Variants in GLIS2 observed in about 807,000 individuals in gnomAD.
GLIS2 encodes GLIS family zinc finger 2.
GLIS2 carries 14 observed loss-of-function variants against 35.6 expected under a neutral mutation model. The observed-to-expected ratio is 0.39, with a 90% CI of 0.26 to 0.61. The LOEUF (loss-of-function observed/expected upper bound fraction) is 0.61. Among genes scored for constraint, GLIS2 ranks in the 20% least tolerant of loss-of-function variants. The pLI, the probability that GLIS2 is intolerant of heterozygous loss-of-function variation, is 0.48. For missense variants in GLIS2, 675 were observed against 713.4 expected, an observed-to-expected ratio of 0.95 and a Z score of 0.61; for synonymous variants, 368 against 325.1, an observed-to-expected ratio of 1.13 and a Z score of -1.42.
At chr16:4,317,846 T>C (rs545282713) in intron 1 of GLIS2, among the ~76,000 whole-genome samples, 2 of 152,238 alleles carry the variant, frequency 1.3e-5, no homozygotes, top group East Asian at 3.9e-4. Context: ...CAACCCTGTT[T>C]TTCTTAGCCT....
intron 1 of GLIS2, among the ~76,000 whole-genome samples, chr16:4,329,479 C>G (rs2053474805): frequency 6.6e-6 from 1 of 152,090 alleles, no homozygotes; most frequent in Non-Finnish European, 1.5e-5. Flanking sequence ...AGGTGGGCAG[C>G]CCCCCTGTGC....
rs2053501204 is a variant in GLIS2 at position 4,332,009 on chromosome 16, C to T, written c.-66-206C>T. 6.6e-6 allele frequency among the ~76,000 whole-genome samples: 1 copy of T among 152,174 alleles called. No homozygotes were observed. The highest frequency in any genetic ancestry group is 1.5e-5 in the Non-Finnish European group (1 of 68,036). The stretch of plus-strand genomic sequence containing the variant: ...TGTGAGCTTTGTCTTCCCCAAGAGA[C>T]TCATGGGAAGCAGATGCGGAATCTC... On this transcript the variant is annotated intron_variant, in intron 1 of 6. Coordinates refer to ENST00000433375, the MANE Select transcript of GLIS2 (RefSeq NM_032575.3). This position sits in a 1 kb window ranked among gnomAD's most constrained non-coding sequence, Gnocchi z 5.4.
Position 4,332,994 on chromosome 16 carries a change from G to T in GLIS2, c.173-353G>T, listed in dbSNP as rs1029954265. The stretch of plus-strand genomic sequence containing the variant: ...AGAAGGGAACACTGAGGCAGGAAGG[G>T]GCCTGGGAAAAGCTAGAAAGGTTCC... On this transcript the variant is annotated intron_variant, in intron 2 of 6. Transcript: ENST00000433375. The surrounding 1 kb of genome is among the most constrained non-coding windows in gnomAD (Gnocchi z 5.4). Among the ~76,000 whole-genome samples the T allele has an allele frequency of 6.6e-6, 1 of 152,162 alleles. No individual in the cohort carries two copies. The highest frequency in any genetic ancestry group is 1.5e-5 in the Non-Finnish European group (1 of 68,038).
chr16:4,335,766 T>C lies in GLIS2; in HGVS notation c.775+373T>C, dbSNP rs2053544397. 1 of 273,126 alleles carries C rather than the reference T, an allele frequency of 3.7e-6. No homozygotes were observed. The highest frequency in any genetic ancestry group is 7.1e-6 in the Non-Finnish European group (1 of 141,320). 16.9% of individuals were successfully genotyped at this position (273,126 alleles called of 1,614,324 possible). A position where few individuals can be genotyped will look rare whatever the true frequency, so the allele number is the denominator to read the frequency against. ...ACATAATTTTACATTTCCTAATCGC[T>C]GCATAAAACACAGCAAAAATAAATG... On this transcript the variant is annotated intron_variant, in intron 6 of 6. Coordinates refer to ENST00000433375, the MANE Select transcript of GLIS2 (RefSeq NM_032575.3). This position sits in a 1 kb window ranked among gnomAD's most constrained non-coding sequence, Gnocchi z 4.6.
At chr16:4,316,455 G>T (rs2053314348) in intron 1 of GLIS2, among the ~76,000 whole-genome samples, 1 of 151,690 alleles carries the variant, frequency 6.6e-6, no homozygotes, top group Non-Finnish European at 1.5e-5. Context: ...CCGGCTCCCC[G>T]GCCGGGTCCC....
In GLIS2 at chr16:4,336,802, C is replaced by T. The variant is rs747178674; in HGVS notation, c.853C>T (p.Arg285Cys). ...SNSSDRFKHT[R>C]THYVDKPYYC... ...CTCCAGTGACCGCTTTAAGCACACG[C>T]GCACCCACTATGTGGACAAGCCCTA... The change falls in exon 7 of 7, where the codon CGC becomes TGC. Residue 285 changes from arginine to cysteine, a missense_variant. Arg to Cys is a radical substitution (Grantham distance 180). This residue lies in a region of GLIS2 where 133 missense variants were observed against 191.4 expected (regional missense o/e 0.69). Transcript: ENST00000433375. 1.9e-6 allele frequency: 3 copies of T among 1,612,006 alleles called. No individual in the cohort carries two copies. Among genetic ancestry groups the T allele is most frequent in the African/African-American group, 1.3e-5 (1 of 75,016 alleles).
intron 1 of GLIS2, among the ~76,000 whole-genome samples, 57 bp downstream of exon 1, chr16:4,316,311 G>T (rs1006262017): frequency 2.1e-5 from 3 of 143,444 alleles, no homozygotes; most frequent in East Asian, 2.1e-4. Flanking sequence ...GGGGGGGGGG[G>T]GCCCGCCTGT....
At position 4,337,500 on chromosome 16, in the gene GLIS2, G is replaced by A; in HGVS notation, c.1551G>A (p.Leu517=). The A allele has an allele frequency of 6.4e-7, 1 of 1,562,184 alleles. No homozygotes were observed. ...GWVVIPPGSV[L]LKPAVVN ...TGGTCATCCCGCCGGGCTCGGTGCT[G>A]CTCAAACCGGCTGTGGTGAACTGAG... Residue 517 remains leucine, a synonymous_variant, in exon 7 of 7, where the codon CTG becomes CTA. Coordinates refer to ENST00000433375, the MANE Select transcript of GLIS2 (RefSeq NM_032575.3).
At chr16:4,324,997 G>A (rs534664703) in intron 1 of GLIS2, among the ~76,000 whole-genome samples, 8 of 152,286 alleles carry the variant, frequency 5.3e-5, no homozygotes, top group East Asian at 1.9e-4. Context: ...GCTGCTGGGC[G>A]GCCAAGGAGG....
rs901123781 is a variant in GLIS2 at position 4,337,513 on chromosome 16, G to A, written c.1564G>A (p.Val522Met). 3.8e-6 allele frequency: 6 copies of A among 1,559,272 alleles called. No individual in the cohort carries two copies. In the Admixed American group the frequency reaches 7.4e-5, roughly 19 times the overall value. The change falls in exon 7 of 7, where the codon GTG (valine) becomes ATG (methionine). Residue 522 changes from valine (V) to methionine (M), a missense_variant. Physicochemically the swap from Val to Met is conservative, Grantham distance 21. Transcript: ENST00000433375. ...GGGCTCGGTGCTGCTCAAACCGGCT[G>A]TGGTGAACTGAGCCCATCCTGCGGA... ...PPGSVLLKPAVVN is the reference protein window; with the variant it reads ...PPGSVLLKPAMVN
chr16:4,327,995 G>A (rs768780243), intron 1 of GLIS2, among the ~76,000 whole-genome samples: 15 of 152,120 alleles, frequency 9.9e-5, no homozygotes, highest in Non-Finnish European at 2.1e-4. Context: ...CCTGGGCTCT[G>A]TGCACCCTCC....
chr16:4,324,392 A>G (rs936292081), intron 1 of GLIS2, among the ~76,000 whole-genome samples: 11 of 152,096 alleles, frequency 7.2e-5, no homozygotes, highest in Admixed American at 2.6e-4. Context: ...GGGGCCTTGT[A>G]GTGCTCTTTC....
At chr16:4,327,724 G>A (rs1374482253) in intron 1 of GLIS2, among the ~76,000 whole-genome samples, 1 of 151,854 alleles carries the variant, frequency 6.6e-6, no homozygotes, top group Non-Finnish European at 1.5e-5. Context: ...GGAAGGGCAG[G>A]GCCCGGTCCC....
chr16:4,330,437 C>T (rs1270618861), intron 1 of GLIS2, among the ~76,000 whole-genome samples: 1 of 152,238 alleles, frequency 6.6e-6, no homozygotes, highest in Admixed American at 6.5e-5. Context: ...ACCAACCCTG[C>T]CCCAGCTGGC....
chr16:4,319,469 G>A (rs917301076), intron 1 of GLIS2, among the ~76,000 whole-genome samples: 1 of 152,176 alleles, frequency 6.6e-6, no homozygotes, highest in Non-Finnish European at 1.5e-5. Flanking sequence ...GATGGGTTGA[G>A]GCCCTGATGT....
chr16:4,330,191 C>G (rs900593770), intron 1 of GLIS2, among the ~76,000 whole-genome samples: 1 of 151,896 alleles, frequency 6.6e-6, no homozygotes, highest in Non-Finnish European at 1.5e-5. Context: ...GCAGGACAAT[C>G]GCTTGAACTC....
Position 4,337,012 on chromosome 16 carries a change from A to G in GLIS2, c.1063A>G (p.Ile355Val). 1 of 1,604,428 alleles carries G rather than the reference A, an allele frequency of 6.2e-7. No individual in the cohort carries two copies. Among genetic ancestry groups the G allele is most frequent in the Non-Finnish European group, 8.5e-7 (1 of 1,178,032 alleles). The change falls in exon 7 of 7, where the codon ATC (isoleucine) becomes GTC (valine). Residue 355 changes from isoleucine (I) to valine (V), a missense_variant. Physicochemically the swap from Ile to Val is conservative, Grantham distance 29. Coordinates refer to ENST00000433375, the MANE Select transcript of GLIS2 (RefSeq NM_032575.3). The part of the protein sequence containing the change: ...GPYVSGAQII[I>V]PNPAALFGGP... ...CTATGTCAGTGGGGCCCAGATCATCATCCCCAACCCAGCTGCCCTCTTTGG... is the reference window on the plus strand; with the variant it reads ...CTATGTCAGTGGGGCCCAGATCATCGTCCCCAACCCAGCTGCCCTCTTTGG...
chr16:4,333,079 C>G (rs1357303759), intron 2 of GLIS2, among the ~76,000 whole-genome samples: 2 of 152,188 alleles, frequency 1.3e-5, no homozygotes, highest in Non-Finnish European at 2.9e-5. Flanking sequence ...CTGTTATTAA[C>G]CCTGCGTGCC....
In GLIS2 at chr16:4,334,898, CCTT is replaced by C; in HGVS notation, c.445_447del (p.Phe149del). ...GGGGCCCTGCACCTGCCTGCCTCCTCCTTCCTTACCCCTCCCAAGGACAAGTGC... is the reference window on the plus strand; with the variant it reads ...GGGGCCCTGCACCTGCCTGCCTCCTCCCTTACCCCTCCCAAGGACAAGTGC... On this transcript the variant is annotated inframe_deletion, in exon 4 of 7. Transcript: ENST00000433375. 6.2e-7 allele frequency: 1 copy of C among 1,613,210 alleles called. No homozygotes were observed.
Sources: gnomAD v4.1 joint callset for allele counts (sites outside exome capture counted in the v4.1 genomes callset) on GRCh38, gnomAD v4.1.1 for gene constraint, gnomAD v4.1.1 regional missense constraint, Gnocchi (gnomAD v3.1) non-coding constraint, MANE v1.5 for transcripts, NCBI Gene and HGNC (gene_info 2026-07-23, HGNC 2026-07-21) for gene names.